The following HDX variants were observed in gnomAD, a reference collection of about 807,000 sequenced individuals.
HDX encodes the protein highly divergent homeobox.
In HDX, 19 loss-of-function variants were observed where a neutral mutation model predicts 45.2. The ratio of observed to expected loss-of-function variants is 0.42; its 90% confidence interval spans 0.29 to 0.62. The LOEUF (loss-of-function observed/expected upper bound fraction) is 0.62, where lower values mean the gene tolerates loss of function less well. Among genes scored for constraint, HDX ranks in the 20% least tolerant of loss-of-function variants. HDX has a pLI of 0.20. For missense variants in HDX, 532 were observed against 493.9 expected (o/e 1.08, Z -0.73); for synonymous variants, 188 against 172.8 (o/e 1.09, Z -0.69).
At chrX:84,338,800 A>G (rs1416222850) in intron 7 of HDX, among the ~76,000 whole-genome samples, 2 of 110,943 alleles carry the variant, frequency 1.8e-5, no homozygotes, top group African/African-American at 6.5e-5. Flanking sequence ...TGATTGGATC[A>G]TGGGGGTAGA....
chrX:84,406,219 G>A (rs1820726378), intron 5 of HDX, among the ~76,000 whole-genome samples: 1 of 110,789 alleles, frequency 9.0e-6, no homozygotes. Flanking sequence ...TGTTTACTAA[G>A]CAATAGATAG....
chrX:84,481,372 C>T (rs768509450), intron 2 of HDX, among the ~76,000 whole-genome samples: 22 of 111,081 alleles, frequency 2.0e-4, no homozygotes, highest in African/African-American at 3.6e-4. Context: ...ATTTATTGAG[C>T]GCCTTCAATG....
In HDX at chrX:84,412,275, GT is replaced by G. The variant is rs895646173; in HGVS notation, c.1305+28256del. On this transcript the variant is annotated intron_variant, in intron 5 of 10. Coordinates refer to ENST00000373177, the MANE Select transcript of HDX (RefSeq NM_001177479.2). ...GTGTCAATGGTCTATGTACTTAAGT[GT>G]TTTTTTGTGATGGCCAGTAATGGTC... Among the ~76,000 whole-genome samples the G allele has an allele frequency of 2.7e-5, 3 of 110,808 alleles. No homozygotes were observed. In the Admixed American group the frequency reaches 2.9e-4, roughly 11 times the overall value.
intron 1 of HDX, among the ~76,000 whole-genome samples, chrX:84,490,403 G>A (rs745948299): frequency 3.1e-4 from 34 of 111,427 alleles, no homozygotes; most frequent in African/African-American, 1.1e-3. Context: ...ACTGGCCTTT[G>A]TGCTATTATT....
intron 5 of HDX, among the ~76,000 whole-genome samples, chrX:84,418,507 T>G (rs1839811177): frequency 8.9e-6 from 1 of 111,752 alleles, no homozygotes; most frequent in Non-Finnish European, 1.9e-5. Flanking sequence ...AAATGGCAAT[T>G]ACTTTTGCAC....
At chrX:84,407,960 A>C (rs2038873765) in intron 5 of HDX, among the ~76,000 whole-genome samples, 1 of 111,696 alleles carries the variant, frequency 9.0e-6, no homozygotes, top group Non-Finnish European at 1.9e-5. Flanking sequence ...TCAGATGCAT[A>C]GTTTGAAAAT....
chrX:84,481,418 C>T (rs1286479405), intron 2 of HDX, among the ~76,000 whole-genome samples: 1 of 111,362 alleles, frequency 9.0e-6, no homozygotes, highest in Non-Finnish European at 1.9e-5. Context: ...CAATATTTAT[C>T]ACAGGAGACA....
At chrX:84,478,529 T>A (rs2040603262) in intron 2 of HDX, among the ~76,000 whole-genome samples, 1 of 111,863 alleles carries the variant, frequency 8.9e-6, no homozygotes, top group Non-Finnish European at 1.9e-5. Flanking sequence ...CCCAGCTAAT[T>A]AAAACATTTG....
At chrX:84,398,992 A>G (rs1238950908) in intron 5 of HDX, among the ~76,000 whole-genome samples, 2 of 111,898 alleles carry the variant, frequency 1.8e-5, no homozygotes, top group Non-Finnish European at 3.8e-5. Context: ...AAATTAAGGC[A>G]GGCATCAAGA....
chrX:84,326,067 C>T (rs1019258835), intron 10 of HDX, 111 bp downstream of exon 10: 1 of 713,475 alleles, frequency 1.4e-6, no homozygotes, highest in Non-Finnish European at 2.1e-6. Context: ...ATATTTCCTC[C>T]ATGCCAAGCA....
At chrX:84,463,353 C>T (rs1014064215) in intron 4 of HDX, among the ~76,000 whole-genome samples, 5 of 110,800 alleles carry the variant, frequency 4.5e-5, no homozygotes, top group African/African-American at 1.3e-4. Flanking sequence ...TTAAATGCCA[C>T]GATATTTAAA....
At chrX:84,440,258 A>G (rs1190298194) in intron 5 of HDX, 3 of 231,484 alleles carry the variant, frequency 1.3e-5, no homozygotes, top group Admixed American at 7.1e-5. Flanking sequence ...GATTAGATGT[A>G]GAAAAATCAT....
chrX:84,432,106 G>A (rs1009360947), intron 5 of HDX, among the ~76,000 whole-genome samples: 4 of 111,012 alleles, frequency 3.6e-5, no homozygotes, highest in African/African-American at 1.3e-4. Flanking sequence ...TTTTCTCATG[G>A]CTTGTTTTTG....
intron 6 of HDX, among the ~76,000 whole-genome samples, chrX:84,359,100 C>A (rs67043978): frequency 0.066 from 7,324 of 110,702 alleles, 353 homozygotes; most frequent in East Asian, 0.35. Flanking sequence ...TACTTACCAG[C>A]ACTACCACTT....
chrX:84,351,351 T>G (rs1667233716), intron 6 of HDX, among the ~76,000 whole-genome samples: 1 of 110,903 alleles, frequency 9.0e-6, no homozygotes, highest in Non-Finnish European at 1.9e-5. Context: ...TCAGTGAGTG[T>G]TTTTTGTTTG....
chrX:84,472,791 T>C (rs1436897567), intron 3 of HDX, among the ~76,000 whole-genome samples: 1 of 111,226 alleles, frequency 9.0e-6, no homozygotes, highest in Non-Finnish European at 1.9e-5. Flanking sequence ...TAGGAAAGTA[T>C]GTAAGAAATA....
At chrX:84,354,928 CACATATATATATATATATATAT>C (rs2037440752) in intron 6 of HDX, among the ~76,000 whole-genome samples, 1 of 21,378 alleles carries the variant, frequency 4.7e-5, no homozygotes, top group African/African-American at 1.6e-4. Context: ...TACACACACA[CACATATATATATATATATATAT>C]ATATATATAT....
chrX:84,351,391 G>C, intron 6 of HDX, among the ~76,000 whole-genome samples: 1 of 110,585 alleles, frequency 9.0e-6, no homozygotes, highest in East Asian at 2.9e-4. Flanking sequence ...TTTGCTTTGC[G>C]GAGGTGGGGG....
At chrX:84,360,993 G>C (rs1316918336) in intron 6 of HDX, among the ~76,000 whole-genome samples, 8 of 111,581 alleles carry the variant, frequency 7.2e-5, no homozygotes, top group Non-Finnish European at 1.3e-4. Flanking sequence ...TTTGAGGACT[G>C]TTGTCAAAGT....
Sources: gnomAD v4.1 joint callset for allele counts (sites outside exome capture counted in the v4.1 genomes callset) on GRCh38, gnomAD v4.1.1 for gene constraint, MANE v1.5 for transcripts, NCBI Gene and HGNC (gene_info 2026-07-23, HGNC 2026-07-21) for gene names.